The following BLOC1S5 variants were observed in gnomAD, a reference collection of about 807,000 sequenced individuals.
BLOC1S5 encodes the protein biogenesis of lysosome-related organelles complex 1 subunit 5.
A neutral mutation model predicts 24.3 loss-of-function variants in BLOC1S5; 27 were observed. That is an observed-to-expected ratio of 1.11 (90% CI 0.82 to 1.53). BLOC1S5 has a LOEUF of 1.53. Ranked by LOEUF, BLOC1S5 falls within the 40% of genes most tolerant of loss-of-function variation. The pLI, the probability that BLOC1S5 is intolerant of heterozygous loss-of-function variation, is 0.00. For missense variants in BLOC1S5, 239 were observed against 229.4 expected, an observed-to-expected ratio of 1.04 and a Z score of -0.27; for synonymous variants, 84 against 74.5, an observed-to-expected ratio of 1.13 and a Z score of -0.66.
At chr6:8,048,406 T>A (rs1254533640) in intron 2 of BLOC1S5, among the ~76,000 whole-genome samples, 3 of 152,170 alleles carry the variant, frequency 2.0e-5, no homozygotes, top group Non-Finnish European at 4.4e-5. Flanking sequence ...TTTCTAACTT[T>A]TCAGCGGAGA....
At chr6:8,053,253 A>G (rs1764189474) in intron 2 of BLOC1S5, among the ~76,000 whole-genome samples, 1 of 152,220 alleles carries the variant, frequency 6.6e-6, no homozygotes. Context: ...TGAAATTTCG[A>G]AAAAACTTCG....
intron 3 of BLOC1S5, among the ~76,000 whole-genome samples, chr6:8,038,844 G>C (rs1330009158): frequency 1.3e-5 from 2 of 152,206 alleles, no homozygotes; most frequent in African/African-American, 2.4e-5. Context: ...TGGAGAAAAG[G>C]GAACTCTCGT....
intron 2 of BLOC1S5, among the ~76,000 whole-genome samples, chr6:8,049,744 C>A (rs1304299763): frequency 2.6e-5 from 4 of 151,564 alleles, no homozygotes; most frequent in African/African-American, 9.7e-5. Flanking sequence ...TAGGGTCTCA[C>A]TCTGTTGCCC....
At chr6:8,056,701 A>C (rs1764322688) in intron 2 of BLOC1S5, among the ~76,000 whole-genome samples, 1 of 152,190 alleles carries the variant, frequency 6.6e-6, no homozygotes, top group Non-Finnish European at 1.5e-5. Context: ...GGGGCCTATA[A>C]ATGGGCTTTG....
intron 4 of BLOC1S5, chr6:8,017,746 A>G (rs578237604): frequency 1.3e-5 from 2 of 152,342 alleles, no homozygotes; most frequent in East Asian, 3.9e-4. Flanking sequence ...AGACAAAGAA[A>G]TTAAGGCTTA....
intron 2 of BLOC1S5, among the ~76,000 whole-genome samples, chr6:8,058,458 T>C (rs373368353): frequency 6.6e-6 from 1 of 151,482 alleles, no homozygotes; most frequent in African/African-American, 2.4e-5. Flanking sequence ...TCATTCCTTA[T>C]GGCAGAGACT....
chr6:8,044,916 T>C (rs1437462866), intron 2 of BLOC1S5, among the ~76,000 whole-genome samples: 4 of 152,142 alleles, frequency 2.6e-5, no homozygotes, highest in African/African-American at 9.7e-5. Flanking sequence ...AGCCTGACAA[T>C]GCAAAAGAAA....
chr6:8,040,426 C>A (rs978595131), intron 3 of BLOC1S5, among the ~76,000 whole-genome samples: 4 of 152,096 alleles, frequency 2.6e-5, no homozygotes, highest in Non-Finnish European at 5.9e-5. Context: ...CAAACTTAGT[C>A]CTTTAAATGC....
intron 2 of BLOC1S5, among the ~76,000 whole-genome samples, chr6:8,061,894 G>C (rs1343560517): frequency 6.6e-6 from 1 of 152,248 alleles, no homozygotes; most frequent in Non-Finnish European, 1.5e-5. Context: ...GGTTATGCTA[G>C]AAAAGCAGGA....
chr6:8,024,770 A>C (rs544823296), intron 4 of BLOC1S5, among the ~76,000 whole-genome samples: 2 of 118,916 alleles, frequency 1.7e-5, no homozygotes, highest in East Asian at 5.1e-4. Flanking sequence ...TTTGATAGTA[A>C]GATAACAATT....
At chr6:8,018,495 T>C (rs1324707768) in intron 4 of BLOC1S5, among the ~76,000 whole-genome samples, 1 of 152,198 alleles carries the variant, frequency 6.6e-6, no homozygotes, top group Non-Finnish European at 1.5e-5. Flanking sequence ...CAACAGCCCG[T>C]GTTCCCCTTC....
At chr6:8,044,283 C>CAAAAAAA (rs1175141654) in intron 2 of BLOC1S5, among the ~76,000 whole-genome samples, 2 of 88,996 alleles carry the variant, frequency 2.2e-5, no homozygotes, top group Non-Finnish European at 4.3e-5. Flanking sequence ...GACTCTGTCT[C>CAAAAAAA]AAAAAAAAAA....
At chr6:8,045,449 G>A (rs924119980) in intron 2 of BLOC1S5, among the ~76,000 whole-genome samples, 8 of 152,192 alleles carry the variant, frequency 5.3e-5, no homozygotes, top group Non-Finnish European at 1.2e-4. Flanking sequence ...AGTCCCTACT[G>A]GGGCACTGCC....
At chr6:8,035,405 A>G (rs1450061103) in intron 3 of BLOC1S5, among the ~76,000 whole-genome samples, 2 of 151,398 alleles carry the variant, frequency 1.3e-5, no homozygotes, top group Non-Finnish European at 2.9e-5. Flanking sequence ...CCACCTCTAT[A>G]CTGCCTACGA....
intron 2 of BLOC1S5, among the ~76,000 whole-genome samples, chr6:8,048,671 G>C (rs942873492): frequency 3.9e-5 from 6 of 151,954 alleles, no homozygotes; most frequent in Non-Finnish European, 2.9e-5. Context: ...TTCTTTTGAA[G>C]GTATATTTCA....
At position 8,018,345 on chromosome 6, in the gene BLOC1S5, A is replaced by G. The variant is rs146840108; in HGVS notation, c.385-2517T>C. On this transcript the variant is annotated intron_variant, in intron 4 of 4. Coordinates refer to ENST00000397457, the MANE Select transcript of BLOC1S5 (RefSeq NM_201280.3). ...AAAAATGCAGATAAACTTCATCAAA[A>G]TGATATTTAGCTTTAGTTGTGTTTT... is the stretch of plus-strand genomic sequence containing the variant. Among the ~76,000 whole-genome samples the G allele has an allele frequency of 1.8e-3, 281 of 152,356 alleles. 3 individuals are homozygous for G. The highest frequency in any genetic ancestry group is 6.5e-3 in the African/African-American group (272 of 41,592).
chr6:8,058,386 A>T (rs939599318), intron 2 of BLOC1S5, among the ~76,000 whole-genome samples: 2 of 134,828 alleles, frequency 1.5e-5, no homozygotes, highest in African/African-American at 6.0e-5. Flanking sequence ...AAAAAAAAAA[A>T]AAAAATAGCC....
intron 1 of BLOC1S5, among the ~76,000 whole-genome samples, chr6:8,063,740 CCTT>C (rs1757340337): frequency 6.6e-6 from 1 of 152,126 alleles, no homozygotes; most frequent in Admixed American, 6.5e-5. Context: ...TAGGTTGTAA[CCTT>C]CTCCCAGCTC....
rs534823864 is a variant in BLOC1S5, at chr6:8,014,633, T to A, written c.*1016A>T. The A allele has an allele frequency of 1.3e-5, 2 of 152,182 alleles. No homozygotes were observed. Among genetic ancestry groups the A allele is most frequent in the Non-Finnish European group, 2.9e-5 (2 of 68,030 alleles). 9.4% of individuals were successfully genotyped at this position (152,182 alleles called of 1,614,324 possible). Reference sequence around the variant, plus strand: ...TCACAGTGATGACAGAACTGGTACATGTTTCATCATAATATACCTGCTTAT... The same window carrying A: ...TCACAGTGATGACAGAACTGGTACAAGTTTCATCATAATATACCTGCTTAT... On this transcript the variant is annotated 3_prime_UTR_variant, in exon 5 of 5. Coordinates refer to ENST00000397457, the MANE Select transcript of BLOC1S5 (RefSeq NM_201280.3).
Sources: allele counts gnomAD v4.1 joint callset (sites outside exome capture counted in the v4.1 genomes callset), GRCh38; gene constraint gnomAD v4.1.1; transcripts MANE v1.5; gene names NCBI Gene and HGNC (gene_info 2026-07-23, HGNC 2026-07-21).